TSHZ2: variants seen among roughly 807,000 people sequenced by gnomAD.
The protein encoded by TSHZ2 is teashirt zinc finger homeobox 2.
TSHZ2 carries 21 observed loss-of-function variants against 74.4 expected under a neutral mutation model. The observed-to-expected ratio is 0.28, with a 90% CI of 0.20 to 0.41. The LOEUF is 0.41. Among genes scored for constraint, TSHZ2 ranks in the 10% least tolerant of loss-of-function variants. The pLI is 1.00. For missense variants in TSHZ2, 1,244 were observed against 1,293.5 expected (o/e 0.96, Z 0.59); for synonymous variants, 540 against 515.3 (o/e 1.05, Z -0.65).
chr20:53,175,124 C>CT (rs1988298661), intron 1 of TSHZ2, among the ~76,000 whole-genome samples: 2 of 95,700 alleles, frequency 2.1e-5, no homozygotes, highest in South Asian at 4.2e-4. Context: ...CCTCCTTCTT[C>CT]TTCTTTCTTT....
rs562480726 is a variant in TSHZ2, at chr20:52,974,961, C to A, written c.40+1628C>A. Among the ~76,000 whole-genome samples the A allele has an allele frequency of 7.2e-5, 11 of 152,242 alleles. No homozygotes were observed. The East Asian group carries it at 2.1e-3, about 29-fold the overall frequency. On this transcript the variant is annotated intron_variant, in intron 1 of 2. Coordinates refer to ENST00000371497, the MANE Select transcript of TSHZ2 (RefSeq NM_173485.6). ...GAACTTGCCTCATCAGTGAGGTTTTCTTTTTTCAACTCTAGTTACTTCTTT... is the reference window on the plus strand; with the variant it reads ...GAACTTGCCTCATCAGTGAGGTTTTATTTTTTCAACTCTAGTTACTTCTTT...
chr20:53,455,868 T>C (rs1985051873), intron 2 of TSHZ2, among the ~76,000 whole-genome samples: 2 of 151,914 alleles, frequency 1.3e-5, no homozygotes, highest in Admixed American at 6.6e-5. Flanking sequence ...ATTTCATCCA[T>C]GTCCCTACAA....
intron 1 of TSHZ2, among the ~76,000 whole-genome samples, chr20:53,015,410 C>A (rs1448820659): frequency 6.6e-6 from 1 of 152,114 alleles, no homozygotes; most frequent in Admixed American, 6.6e-5. Context: ...GTGTGTAGAA[C>A]CAGAGATGCT....
intron 2 of TSHZ2, among the ~76,000 whole-genome samples, chr20:53,465,576 T>TGTG (rs1985532909): frequency 1.3e-5 from 2 of 152,006 alleles, no homozygotes; most frequent in African/African-American, 4.8e-5. Context: ...CAGCCAGAAA[T>TGTG]CTTTATTACT....
intron 1 of TSHZ2, among the ~76,000 whole-genome samples, chr20:53,142,394 G>A (rs546922991): frequency 1.3e-5 from 2 of 152,318 alleles, no homozygotes; most frequent in Admixed American, 6.5e-5. Flanking sequence ...GAGGAAAAAG[G>A]CTAATTAAGT....
At chr20:53,168,677 T>G (rs1418328178) in intron 1 of TSHZ2, 1 of 152,138 alleles carries the variant, frequency 6.6e-6, no homozygotes, top group Non-Finnish European at 1.5e-5. Flanking sequence ...ATGTTTCACA[T>G]GTACAAAGTT....
chr20:53,442,724 C>T (rs191080216), intron 2 of TSHZ2, among the ~76,000 whole-genome samples: 1 of 152,250 alleles, frequency 6.6e-6, no homozygotes, highest in African/African-American at 2.4e-5. Flanking sequence ...TGGATATTGC[C>T]GGCATTTAGG....
intron 2 of TSHZ2, among the ~76,000 whole-genome samples, chr20:53,431,626 AG>A (rs1983853382): frequency 1.3e-5 from 2 of 152,208 alleles, no homozygotes; most frequent in Admixed American, 1.3e-4. Context: ...CAACCCTGTG[AG>A]GTAGGAATTA....
intron 2 of TSHZ2, among the ~76,000 whole-genome samples, chr20:53,328,347 G>A (rs1463590115): frequency 6.6e-6 from 1 of 152,190 alleles, no homozygotes; most frequent in African/African-American, 2.4e-5. Flanking sequence ...GCAAGCAGCA[G>A]GATATGTATA....
chr20:53,261,383 T>C (rs1990598266), intron 2 of TSHZ2, among the ~76,000 whole-genome samples: 1 of 152,180 alleles, frequency 6.6e-6, no homozygotes, highest in Admixed American at 6.5e-5. Context: ...CCATATGGTG[T>C]CTAACCAAGA....
chr20:53,200,957 A>T (rs951984440), intron 1 of TSHZ2, among the ~76,000 whole-genome samples: 2 of 152,216 alleles, frequency 1.3e-5, no homozygotes, highest in Non-Finnish European at 2.9e-5. Context: ...GGTTGATAGT[A>T]AATGAAGATG....
intron 1 of TSHZ2, among the ~76,000 whole-genome samples, chr20:53,155,628 A>G (rs1987777363): frequency 6.6e-6 from 1 of 151,990 alleles, no homozygotes; most frequent in Non-Finnish European, 1.5e-5. Flanking sequence ...TCAATGCACA[A>G]TATCTTCCCA....
rs532346522 is a variant in TSHZ2 at position 53,238,155 on chromosome 20, T to A, written c.41-15344T>A. Among the ~76,000 whole-genome samples the A allele has an allele frequency of 3.3e-5, 5 of 152,306 alleles. 1 individual carries two copies. The South Asian group carries it at 1.0e-3, about 32-fold the overall frequency. ...CAATGTACCAATGGTTTGAGCTTAGTTTACTCAAACATGCCAAGAAACCAT... is the reference window on the plus strand; with the variant it reads ...CAATGTACCAATGGTTTGAGCTTAGATTACTCAAACATGCCAAGAAACCAT... On this transcript the variant is annotated intron_variant, in intron 1 of 2. Coordinates refer to ENST00000371497, the MANE Select transcript of TSHZ2 (RefSeq NM_173485.6).
rs182856025 is a variant in TSHZ2, at chr20:53,023,656, A to T, written c.40+50323A>T. Among the ~76,000 whole-genome samples, 44 of 151,002 alleles carry T rather than the reference A, an allele frequency of 2.9e-4. No homozygotes were observed. In the East Asian group the frequency reaches 8.2e-3, roughly 28 times the overall value. On this transcript the variant is annotated intron_variant, in intron 1 of 2. Transcript: ENST00000371497. ...GCTTTTTGTTTTTTATGAGTTATCA[A>T]GTTATCATGTTTCAAATACCATTTT...
intron 1 of TSHZ2, among the ~76,000 whole-genome samples, chr20:53,034,616 G>T (rs1328084224): frequency 2.0e-5 from 3 of 152,198 alleles, no homozygotes; most frequent in Admixed American, 2.0e-4. Flanking sequence ...ATCAAGAAAA[G>T]CTCCTTTGAG....
At chr20:53,089,552 G>A (rs1447887206) in intron 1 of TSHZ2, among the ~76,000 whole-genome samples, 1 of 152,152 alleles carries the variant, frequency 6.6e-6, no homozygotes, top group East Asian at 1.9e-4. Context: ...CATAGTGACT[G>A]AGAAAAGATT....
At chr20:53,408,560 C>T (rs1982929534) in intron 2 of TSHZ2, among the ~76,000 whole-genome samples, 2 of 152,126 alleles carry the variant, frequency 1.3e-5, no homozygotes, top group Non-Finnish European at 2.9e-5. Context: ...CCCATTGTCC[C>T]CACTCTGCAG....
chr20:53,342,955 C>CTTTTTTTTTTTTTTTTTTTTTTTTTTTTT (rs1175907478), intron 2 of TSHZ2, among the ~76,000 whole-genome samples: 4 of 61,236 alleles, frequency 6.5e-5, no homozygotes, highest in Non-Finnish European at 9.0e-5. Context: ...CTTTTCTTTT[C>CTTTTTTTTTTTTTTTTTTTTTTTTTTTTT]TTTTTTTTTT....
intron 2 of TSHZ2, among the ~76,000 whole-genome samples, chr20:53,483,172 C>A (rs543917918): frequency 7.9e-5 from 12 of 152,126 alleles, no homozygotes; most frequent in Non-Finnish European, 1.5e-4. Flanking sequence ...CAGTGGCTCA[C>A]GCCTGTAATC....
Sources: allele counts gnomAD v4.1 joint callset (sites outside exome capture counted in the v4.1 genomes callset), GRCh38; gene constraint gnomAD v4.1.1; transcripts MANE v1.5; gene names NCBI Gene and HGNC (gene_info 2026-07-23, HGNC 2026-07-21).